The following ATP8A1 variants were observed in gnomAD, a reference collection of about 807,000 sequenced individuals.
ATP8A1 encodes phospholipid-transporting ATPase IA.
A neutral mutation model predicts 177.7 loss-of-function variants in ATP8A1; 90 were observed. That is an observed-to-expected ratio of 0.51 (90% CI 0.43 to 0.60). The LOEUF is 0.60. Ranked by LOEUF, ATP8A1 falls within the 20% of genes least tolerant of loss-of-function variation. The pLI is 0.00. For missense variants in ATP8A1, 1,072 were observed against 1,392.8 expected (o/e 0.77, Z 3.67); for synonymous variants, 493 against 485.9 (o/e 1.01, Z -0.19).
intron 33 of ATP8A1, among the ~76,000 whole-genome samples, chr4:42,440,922 A>ATTAG (rs113547768): frequency 0.99 from 149,931 of 152,184 alleles, 73,886 homozygotes; most frequent in East Asian, 1. Flanking sequence ...TACGTACATA[A>ATTAG]TTAATTATTT....
At chr4:42,495,073 ATATTT>A (rs1723127362) in intron 24 of ATP8A1, among the ~76,000 whole-genome samples, 1 of 152,244 alleles carries the variant, frequency 6.6e-6, no homozygotes, top group Admixed American at 6.5e-5. Flanking sequence ...AAACTAACAC[ATATTT>A]TATTAGCTGT....
intron 25 of ATP8A1, 98 bp from the exon 26 acceptor site, chr4:42,465,174 A>G (rs951521015): frequency 6.5e-5 from 69 of 1,059,410 alleles, no homozygotes; most frequent in Non-Finnish European, 9.0e-5. Flanking sequence ...ACCTAAATGA[A>G]TAGTTCTCTG....
At chr4:42,634,565 G>A (rs545685307) in intron 1 of ATP8A1, among the ~76,000 whole-genome samples, 1 of 152,012 alleles carries the variant, frequency 6.6e-6, no homozygotes, top group Admixed American at 6.6e-5. Flanking sequence ...AATCAAGGAG[G>A]GCATTAAAGA....
At chr4:42,450,622 T>C (rs1198904255) in intron 30 of ATP8A1, among the ~76,000 whole-genome samples, 3 of 152,230 alleles carry the variant, frequency 2.0e-5, no homozygotes, top group Non-Finnish European at 4.4e-5. Flanking sequence ...GTATTTACTG[T>C]TGTAATTTAC....
intron 11 of ATP8A1, among the ~76,000 whole-genome samples, chr4:42,578,968 A>G (rs1732746032): frequency 1.3e-5 from 2 of 152,148 alleles, no homozygotes; most frequent in South Asian, 4.1e-4. Context: ...ATAATAAATC[A>G]GTAACTATAA....
intron 33 of ATP8A1, among the ~76,000 whole-genome samples, chr4:42,428,681 A>C (rs186137645): frequency 3.3e-5 from 5 of 152,206 alleles, no homozygotes; most frequent in African/African-American, 1.2e-4. Context: ...TGGCTTCAGA[A>C]TGTCCTCAGA....
At chr4:42,464,026 T>C (rs1719457732) in intron 27 of ATP8A1, among the ~76,000 whole-genome samples, 1 of 152,158 alleles carries the variant, frequency 6.6e-6, no homozygotes. Flanking sequence ...CCTCACCTTT[T>C]TTAAAAAATA....
At chr4:42,531,825 A>C (rs1472342406) in intron 20 of ATP8A1, among the ~76,000 whole-genome samples, 5 of 152,196 alleles carry the variant, frequency 3.3e-5, no homozygotes, top group African/African-American at 9.7e-5. Flanking sequence ...CATAAAAAAC[A>C]TAAAATACCA....
chr4:42,576,121 G>A (rs1577624639), intron 12 of ATP8A1, among the ~76,000 whole-genome samples: 1 of 152,088 alleles, frequency 6.6e-6, no homozygotes, highest in East Asian at 1.9e-4. Flanking sequence ...CAAACCCCTG[G>A]AAAAAGTACC....
At chr4:42,537,132 CAA>C (rs201979731) in intron 20 of ATP8A1, among the ~76,000 whole-genome samples, 1 of 99,300 alleles carries the variant, frequency 1.0e-5, no homozygotes, top group African/African-American at 5.1e-5. Context: ...AACTCCGTCT[CAA>C]AAAAAAAAAA....
chr4:42,476,018 C>T (rs918239893), intron 25 of ATP8A1, among the ~76,000 whole-genome samples: 6 of 151,792 alleles, frequency 4.0e-5, no homozygotes, highest in East Asian at 1.9e-4. Flanking sequence ...CCAGCCTGGG[C>T]GACAGAGTGA....
intron 35 of ATP8A1, among the ~76,000 whole-genome samples, chr4:42,420,067 A>C (rs957428564): frequency 6.6e-6 from 1 of 152,198 alleles, no homozygotes; most frequent in Non-Finnish European, 1.5e-5. Context: ...AATCAATGTC[A>C]TTCTCCAAGA....
chr4:42,546,789 C>T (rs1728983298), intron 19 of ATP8A1, among the ~76,000 whole-genome samples: 1 of 152,166 alleles, frequency 6.6e-6, no homozygotes, highest in Non-Finnish European at 1.5e-5. Context: ...CCTAACCTTG[C>T]AGCAGTCTCC....
chr4:42,594,775 CTCA>C (rs1734561238), intron 6 of ATP8A1, among the ~76,000 whole-genome samples: 1 of 152,040 alleles, frequency 6.6e-6, no homozygotes, highest in Admixed American at 6.5e-5. Context: ...TTGCTTATAA[CTCA>C]TCATTTGGAG....
At chr4:42,471,835 T>C in intron 25 of ATP8A1, 1 of 563,616 alleles carries the variant, frequency 1.8e-6, no homozygotes, top group East Asian at 4.1e-5. Context: ...ACCAAGACTG[T>C]GAAGCCCAAC....
intron 30 of ATP8A1, among the ~76,000 whole-genome samples, chr4:42,449,385 T>C (rs1419215211): frequency 6.6e-6 from 1 of 152,222 alleles, no homozygotes; most frequent in Non-Finnish European, 1.5e-5. Flanking sequence ...CGGTGAAGAA[T>C]ATAATGACTA....
chr4:42,450,584 G>T (rs977202384), intron 30 of ATP8A1, among the ~76,000 whole-genome samples: 1 of 152,160 alleles, frequency 6.6e-6, no homozygotes, highest in African/African-American at 2.4e-5. Context: ...TTCTTACCAT[G>T]CTCATTCCAC....
chr4:42,483,481 C>A (rs1721901144), intron 25 of ATP8A1, among the ~76,000 whole-genome samples: 1 of 151,786 alleles, frequency 6.6e-6, no homozygotes, highest in Non-Finnish European at 1.5e-5. Flanking sequence ...GAGGAAGGGG[C>A]CACACACATC....
At chr4:42,420,104 T>C (rs1713717587) in intron 35 of ATP8A1, among the ~76,000 whole-genome samples, 1 of 152,116 alleles carries the variant, frequency 6.6e-6, no homozygotes, top group Admixed American at 6.5e-5. Flanking sequence ...GGGGGTAAAA[T>C]CAATCCAACA....
Sources: gnomAD v4.1 joint callset for allele counts (sites outside exome capture counted in the v4.1 genomes callset) on GRCh38, gnomAD v4.1.1 for gene constraint, MANE v1.5 for transcripts, NCBI Gene and HGNC (gene_info 2026-07-23, HGNC 2026-07-21) for gene names.